The following ZNF683 variants were observed in gnomAD, a reference collection of about 807,000 sequenced individuals.
The protein encoded by ZNF683 is tissue-resident T-cell transcription regulator protein ZNF683.
A neutral mutation model predicts 31.4 loss-of-function variants in ZNF683; 20 were observed. The observed-to-expected ratio is 0.64, with a 90% CI of 0.45 to 0.93. ZNF683 has a LOEUF of 0.93. ZNF683 is among the 40% of genes least tolerant of loss of function. The pLI is 0.00. For synonymous variants in ZNF683, 264 were observed against 267.6 expected (o/e 0.99, Z 0.13); for missense variants, 621 against 637.2 (o/e 0.97, Z 0.27).
In ZNF683 at chr1:26,365,068, G is replaced by A. The variant is rs1421890145; in HGVS notation, c.478C>T (p.Pro160Ser). The A allele has an allele frequency of 6.2e-7, 1 of 1,607,262 alleles. No individual in the cohort carries two copies. The change falls in exon 4 of 6, where the codon CCG (proline) becomes TCG (serine). Residue 160 changes from proline (P) to serine (S), a missense_variant. By Grantham distance (74) the Pro-to-Ser change is moderately conservative. Coordinates refer to ENST00000349618, the MANE Select transcript of ZNF683 (RefSeq NM_001114759.3). ...FSSHNSSSPPPLQNRKSPSPL... is the reference protein window; with the variant it reads ...FSSHNSSSPPSLQNRKSPSPL... ...CTGGGGCTCTTTCTGTTCTGCAGCG[G>A]TGGTGGGGAAGAGCTGTTATGAGAG...
chr1:26,370,082 C>A (rs2074634055), intron 1 of ZNF683, among the ~76,000 whole-genome samples: 1 of 152,152 alleles, frequency 6.6e-6, no homozygotes, highest in Non-Finnish European at 1.5e-5. Flanking sequence ...GGAAGGCCCT[C>A]ACGGAGCTTA....
At chr1:26,366,996 G>A (rs1438835351) in intron 3 of ZNF683, among the ~76,000 whole-genome samples, 4 of 152,200 alleles carry the variant, frequency 2.6e-5, no homozygotes, top group African/African-American at 9.6e-5. Flanking sequence ...TGGGCACAGT[G>A]GCTCACATCT....
rs778469458 is a variant in ZNF683, at chr1:26,363,160, T to G, written c.1015-6A>C. On this transcript the variant is annotated splice_polypyrimidine_tract_variant and splice_region_variant and intron_variant, in intron 4 of 5. Transcript: ENST00000349618. The stretch of plus-strand genomic sequence containing the variant: ...CTGTGCACACGCAGGTGGACCTGAG[T>G]CAGATGCGGGATAAATGCTGCCAAC... 8.8e-5 allele frequency: 141 copies of G among 1,600,984 alleles called. No individual in the cohort carries two copies. Among genetic ancestry groups the G allele is most frequent in the Non-Finnish European group, 3.8e-5 (45 of 1,170,338 alleles).
chr1:26,374,455 G>A, upstream of ZNF683: 1 of 1,152,012 alleles, frequency 8.7e-7, no homozygotes, highest in Non-Finnish European at 1.1e-6. Flanking sequence ...CCCAGGAGGT[G>A]GGCTGAGGAC....
Position 26,365,173 on chromosome 1 carries a change from C to G in ZNF683, c.373G>C (p.Val125Leu). The G allele has an allele frequency of 6.2e-7, 1 of 1,610,370 alleles. No homozygotes were observed. Among genetic ancestry groups the G allele is most frequent in the South Asian group, 1.1e-5 (1 of 90,236 alleles). The change falls in exon 4 of 6, where the codon GTC (valine) becomes CTC (leucine). Residue 125 changes from valine to leucine, a missense_variant. Coordinates refer to ENST00000349618, the MANE Select transcript of ZNF683 (RefSeq NM_001114759.3). Reference protein sequence around the residue: ...ASSTDDKKFTVKYPQNKDKLG... With the variant: ...ASSTDDKKFTLKYPQNKDKLG... ...TTGTCCTTGTTCTGTGGGTACTTGA[C>G]TGTGAATTTCTTGTCATCGGTGGAG...
intron 4 of ZNF683, among the ~76,000 whole-genome samples, chr1:26,364,254 G>A (rs7531698): frequency 0.69 from 104,626 of 152,146 alleles, 36,316 homozygotes; most frequent in East Asian, 0.89. Flanking sequence ...CCGTTAAATC[G>A]GGGTAATCTT....
chr1:26,366,641 A>G (rs958686887), intron 3 of ZNF683, among the ~76,000 whole-genome samples: 1 of 152,002 alleles, frequency 6.6e-6, no homozygotes, highest in Non-Finnish European at 1.5e-5. Flanking sequence ...CTCCAACCCC[A>G]ATTCCCTGAC....
Position 26,372,653 on chromosome 1 carries a change from G to T in ZNF683, c.-15+16C>A, listed in dbSNP as rs932805480. On this transcript the variant is annotated intron_variant, in intron 1 of 5. Coordinates refer to ENST00000349618, the MANE Select transcript of ZNF683 (RefSeq NM_001114759.3). ...AATAAAAACTACTTCCCCTCTATCC[G>T]CACTTCCCAACCTACTCTGGTGATC... 6 of 1,302,532 alleles carry T rather than the reference G, an allele frequency of 4.6e-6. No homozygotes were observed. Among genetic ancestry groups the T allele is most frequent in the Non-Finnish European group, 5.1e-6 (5 of 988,298 alleles). The allele number at this position is 1,302,532 out of a possible 1,614,324, so 80.7% of individuals were successfully genotyped here. A position where few individuals can be genotyped will look rare whatever the true frequency, so the allele number is the denominator to read the frequency against.
At chr1:26,366,342 CAAA>C (rs1173737722) in intron 3 of ZNF683, among the ~76,000 whole-genome samples, 2 of 68,980 alleles carry the variant, frequency 2.9e-5, no homozygotes, top group African/African-American at 4.7e-5. Context: ...CAGCCTATCT[CAAA>C]AAAAAAAAAA....
chr1:26,368,594 C>T lies in ZNF683; in HGVS notation c.-14-9G>A, dbSNP rs1209411664. The T allele has an allele frequency of 1.3e-6, 2 of 1,585,742 alleles. No homozygotes were observed. The highest frequency in any genetic ancestry group is 8.6e-7 in the Non-Finnish European group (1 of 1,166,864). ...CATATCCCCATTACCTGCTGGGAAA[C>T]AGGTGAGTTAGAGGTAAGCTGTGAA... is the stretch of plus-strand genomic sequence containing the variant. On this transcript the variant is annotated splice_polypyrimidine_tract_variant and intron_variant, in intron 1 of 5. Transcript: ENST00000349618.
chr1:26,369,318 A>G (rs2074607863), intron 1 of ZNF683, among the ~76,000 whole-genome samples: 1 of 152,174 alleles, frequency 6.6e-6, no homozygotes, highest in Non-Finnish European at 1.5e-5. Flanking sequence ...TGAGGTCAGG[A>G]GTTCGAGACC....
upstream of ZNF683, chr1:26,374,391 T>C (rs2074722197): frequency 1.7e-5 from 21 of 1,267,516 alleles, no homozygotes; most frequent in South Asian, 2.4e-4. Flanking sequence ...GAAATGGCCT[T>C]GGAGATTTCC....
intron 4 of ZNF683, among the ~76,000 whole-genome samples, chr1:26,363,905 T>C (rs2074449514): frequency 1.3e-5 from 2 of 152,166 alleles, no homozygotes; most frequent in Non-Finnish European, 2.9e-5. Context: ...GCAGGGCTTC[T>C]CCCCATAACC....
intron 1 of ZNF683, among the ~76,000 whole-genome samples, chr1:26,371,830 G>T (rs1312128541): frequency 6.6e-6 from 1 of 151,734 alleles, no homozygotes; most frequent in African/African-American, 2.4e-5. Context: ...TACTCAGGAG[G>T]CTGAGGTGGG....
rs1268756907 is a variant in ZNF683 at position 26,361,703 on chromosome 1, C to G, written c.1463G>C (p.Ser488Thr). The change falls in exon 6 of 6, where the codon AGC (serine) becomes ACC (threonine). Residue 488 changes from serine (S) to threonine (T), a missense_variant. Coordinates refer to ENST00000349618, the MANE Select transcript of ZNF683 (RefSeq NM_001114759.3). ...STSQGKARAVSLSSAGTPLVM... is the reference protein window; with the variant it reads ...STSQGKARAVTLSSAGTPLVM... ...CAGGGGAGTCCCGGCACTGCTCAGG[C>G]TCACTGCTCTTGCTTTCCCCTGGGA... 1 of 1,614,044 alleles carries G rather than the reference C, an allele frequency of 6.2e-7. No homozygotes were observed. The highest frequency in any genetic ancestry group is 1.7e-5 in the Admixed American group (1 of 60,036).
chr1:26,362,102 TACCCATGACCC>T (rs199545412), intron 5 of ZNF683, 80 bp from the exon 6 acceptor site: 72,194 of 1,613,906 alleles, frequency 0.045, 2,011 homozygotes, highest in South Asian at 0.095. Flanking sequence ...ATCTTGGAAA[TACCCATGACCC>T]ACCTCTCTTT....
Position 26,363,116 on chromosome 1 carries a change from C to T in ZNF683, c.1053G>A (p.Gln351=). The part of the protein sequence containing the change: ...LRVHSGERPF[Q]CALCQKSFTQ... ...TGAAGCTCTTCTGGCACAAGGCACA[C>T]TGGAATGGACGCTCTCCACTGTGCA... Residue 351 remains glutamine, a synonymous_variant, in exon 5 of 6, where the codon CAG becomes CAA. Transcript: ENST00000349618. 6.2e-7 allele frequency: 1 copy of T among 1,612,726 alleles called. No homozygotes were observed. Among genetic ancestry groups the T allele is most frequent in the Non-Finnish European group, 8.5e-7 (1 of 1,179,362 alleles).
At position 26,368,465 on chromosome 1, in the gene ZNF683, C is replaced by G; in HGVS notation, c.107G>C (p.Gly36Ala). The stretch of plus-strand genomic sequence containing the variant: ...GCTGGGGTTCTACCTTACCTGGTCA[C>G]CTCGGAAGAGCTGGAAGTCCAGGCT... ...SPSLDFQLFRGDQVFSACRPL... is the reference protein window; with the variant it reads ...SPSLDFQLFRADQVFSACRPL... Residue 36 changes from glycine to alanine, a missense_variant, in exon 2 of 6, where the codon GGT becomes GCT. Gly to Ala is a moderately conservative substitution (Grantham distance 60). Transcript: ENST00000349618. 6.3e-7 allele frequency: 1 copy of G among 1,593,130 alleles called. No homozygotes were observed. The highest frequency in any genetic ancestry group is 8.5e-7 in the Non-Finnish European group (1 of 1,170,390).
intron 1 of ZNF683, 157 bp downstream of exon 1, chr1:26,372,512 C>T (rs1389430046): frequency 7.7e-7 from 1 of 1,304,894 alleles, no homozygotes; most frequent in South Asian, 1.2e-5. Flanking sequence ...GATGTCCCCA[C>T]CCAGAAGGGG....
Sources: allele counts gnomAD v4.1 joint callset (sites outside exome capture counted in the v4.1 genomes callset), GRCh38; gene constraint gnomAD v4.1.1; transcripts MANE v1.5; gene names NCBI Gene and HGNC (gene_info 2026-07-23, HGNC 2026-07-21).